The following HMCN1 variants were observed in gnomAD, a reference collection of about 807,000 sequenced individuals.
HMCN1 encodes hemicentin 1.
HMCN1 carries 321 observed loss-of-function variants against 625.9 expected under a neutral mutation model. That is an observed-to-expected ratio of 0.51 (90% CI 0.47 to 0.56). The LOEUF is 0.56. HMCN1 is among the 20% of genes least tolerant of loss of function. The pLI is 0.00. For missense variants in HMCN1, 6,588 were observed against 6,887.3 expected (o/e 0.96, Z 1.54); for synonymous variants, 2,425 against 2,417.6 (o/e 1.00, Z -0.09).
At chr1:185,879,541 T>G (rs927480177) in intron 4 of HMCN1, among the ~76,000 whole-genome samples, 4 of 152,218 alleles carry the variant, frequency 2.6e-5, no homozygotes, top group African/African-American at 4.8e-5. Flanking sequence ...AGTCACTCAT[T>G]CACTCATTTA....
At chr1:185,757,713 T>G (rs1410236174) in intron 1 of HMCN1, among the ~76,000 whole-genome samples, 1 of 152,216 alleles carries the variant, frequency 6.6e-6, no homozygotes, top group East Asian at 1.9e-4. Context: ...GATATATTTC[T>G]AACTCTTTAA....
chr1:186,136,750 A>G lies in HMCN1; in HGVS notation c.13395A>G (p.Gly4465=). The change falls in exon 87 of 107, where the codon GGA becomes GGG. Residue 4465 remains glycine (G), a synonymous_variant. Transcript: ENST00000271588. Reference sequence around the variant, plus strand: ...TCATATTGAATTGTCAGGCAACTGGAGAGCCTCAACCAACCATTACATGGT... The same window carrying G: ...TCATATTGAATTGTCAGGCAACTGGGGAGCCTCAACCAACCATTACATGGT... ...GKIILNCQAT[G]EPQPTITWSR... 6.2e-7 allele frequency: 1 copy of G among 1,614,046 alleles called. No individual in the cohort carries two copies. The highest frequency in any genetic ancestry group is 8.5e-7 in the Non-Finnish European group (1 of 1,179,942).
At chr1:186,087,814 G>A in intron 60 of HMCN1, 118 bp from the exon 61 acceptor site, 1 of 1,144,010 alleles carries the variant, frequency 8.7e-7, no homozygotes, top group Non-Finnish European at 1.3e-6. Context: ...ATTGCAGAAG[G>A]CAATTAGAAC....
chr1:186,078,254 T>C (rs375273955), intron 55 of HMCN1, 34 bp downstream of exon 55: 1 of 1,454,424 alleles, frequency 6.9e-7, no homozygotes, highest in Non-Finnish European at 9.6e-7. Context: ...TTCATTCTTT[T>C]ACTGAAAAGT....
At chr1:185,856,143 A>G (rs1049411352) in intron 2 of HMCN1, among the ~76,000 whole-genome samples, 2 of 152,302 alleles carry the variant, frequency 1.3e-5, no homozygotes, top group African/African-American at 4.8e-5. Flanking sequence ...TTTCTTGGTA[A>G]AAGAATTGCA....
intron 1 of HMCN1, among the ~76,000 whole-genome samples, chr1:185,745,917 A>G (rs1191818880): frequency 6.6e-6 from 1 of 152,224 alleles, no homozygotes; most frequent in African/African-American, 2.4e-5. Context: ...CTTAGAGAAC[A>G]CAGTCATTTA....
In HMCN1 at chr1:185,970,316, C is replaced by T. The variant is rs760811951; in HGVS notation, c.2213-19C>T. 1 of 1,606,724 alleles carries T rather than the reference C, an allele frequency of 6.2e-7. No homozygotes were observed. The highest frequency in any genetic ancestry group is 8.5e-7 in the Non-Finnish European group (1 of 1,173,322). ...TTAATACTTTAGTGTTTAATGTTCT[C>T]CCCTTTGTTTTGACTTAGGAGATCT... On this transcript the variant is annotated intron_variant, in intron 14 of 106. Transcript: ENST00000271588.
rs1180253686 is a variant in HMCN1 at position 186,144,360 on chromosome 1, G to C, written c.14095+17G>C. ...ATTGTCCAAGTAAGAGAAATACACTGTTTATACCTTAATAAATTAACATCT... is the reference window on the plus strand; with the variant it reads ...ATTGTCCAAGTAAGAGAAATACACTCTTTATACCTTAATAAATTAACATCT... On this transcript the variant is annotated intron_variant, in intron 90 of 106. Coordinates refer to ENST00000271588, the MANE Select transcript of HMCN1 (RefSeq NM_031935.3). 2 of 1,611,622 alleles carry C rather than the reference G, an allele frequency of 1.2e-6. No individual in the cohort carries two copies. Among genetic ancestry groups the C allele is most frequent in the Non-Finnish European group, 1.7e-6 (2 of 1,178,994 alleles).
At chr1:185,981,626 C>A (rs1421464324) in intron 17 of HMCN1, among the ~76,000 whole-genome samples, 1 of 152,050 alleles carries the variant, frequency 6.6e-6, no homozygotes, top group Non-Finnish European at 1.5e-5. Flanking sequence ...ATTTTTATAT[C>A]TGTCAGTACA....
chr1:186,165,072 C>T (rs1484803088), intron 97 of HMCN1, 39 bp from the exon 98 acceptor site: 2 of 1,581,106 alleles, frequency 1.3e-6, no homozygotes, highest in Admixed American at 3.3e-5. Context: ...GGCAACTATT[C>T]CAATAAGCCA....
chr1:185,864,177 G>T (rs1291177261), intron 2 of HMCN1, among the ~76,000 whole-genome samples: 1 of 152,196 alleles, frequency 6.6e-6, no homozygotes, highest in Non-Finnish European at 1.5e-5. Flanking sequence ...AGAAGAGGGG[G>T]TGTATGAGAT....
chr1:185,931,301 A>G (rs1667536020), intron 10 of HMCN1, among the ~76,000 whole-genome samples: 1 of 152,108 alleles, frequency 6.6e-6, no homozygotes, highest in Admixed American at 6.6e-5. Context: ...TCACTCAGGA[A>G]TGGCTGCTCT....
intron 11 of HMCN1, among the ~76,000 whole-genome samples, chr1:185,942,679 T>C (rs1037125236): frequency 3.3e-5 from 5 of 152,146 alleles, no homozygotes; most frequent in Admixed American, 6.5e-5. Flanking sequence ...TCCAACTCTC[T>C]AGGCCCCAAC....
At chr1:186,013,217 A>G (rs1466031099) in intron 30 of HMCN1, among the ~76,000 whole-genome samples, 1 of 152,166 alleles carries the variant, frequency 6.6e-6, no homozygotes, top group Non-Finnish European at 1.5e-5. Flanking sequence ...CTGTATCCCA[A>G]CAAAACTCTA....
chr1:185,985,269 A>G (rs956728001), intron 19 of HMCN1, among the ~76,000 whole-genome samples: 4 of 152,242 alleles, frequency 2.6e-5, no homozygotes, highest in Admixed American at 2.0e-4. Context: ...TAAATTAGTT[A>G]TAACCTAGAG....
rs139625650 is a variant in HMCN1, at chr1:186,123,109, T to C, written c.12388T>C (p.Ser4130Pro). 2.3e-5 allele frequency: 37 copies of C among 1,613,998 alleles called. No individual in the cohort carries two copies. The highest frequency in any genetic ancestry group is 3.1e-5 in the Non-Finnish European group (36 of 1,179,996). ...VESIRQRVLSSGSLQIAFVQP... is the reference protein window; with the variant it reads ...VESIRQRVLSPGSLQIAFVQP... ...ATCTATCCGCCAGCGCGTCCTCAGC[T>C]CTGGCTCTCTGCAAATAGCATTTGT... is the stretch of plus-strand genomic sequence containing the variant. Residue 4130 changes from serine to proline, a missense_variant, in exon 81 of 107, where the codon TCT (serine) becomes CCT (proline). Physicochemically the swap from Ser to Pro is moderately conservative, Grantham distance 74. Coordinates refer to ENST00000271588, the MANE Select transcript of HMCN1 (RefSeq NM_031935.3).
At chr1:186,156,180 G>A (rs1219200260) in intron 97 of HMCN1, among the ~76,000 whole-genome samples, 1 of 151,882 alleles carries the variant, frequency 6.6e-6, no homozygotes, top group East Asian at 1.9e-4. Flanking sequence ...CAGAAATTAT[G>A]CAGGAATATA....
chr1:186,010,391 G>T (rs1653923176), intron 30 of HMCN1, among the ~76,000 whole-genome samples: 2 of 152,166 alleles, frequency 1.3e-5, no homozygotes, highest in Non-Finnish European at 2.9e-5. Context: ...TCAAATTTAA[G>T]CAGTGGATGC....
chr1:186,155,324 G>C (rs11808677), intron 97 of HMCN1, among the ~76,000 whole-genome samples: 13,159 of 151,920 alleles, frequency 0.087, 1,556 homozygotes, highest in African/African-American at 0.27. Flanking sequence ...TCTCCTCCAC[G>C]CACACCATTG....
Sources: allele counts gnomAD v4.1 joint callset (sites outside exome capture counted in the v4.1 genomes callset), GRCh38; gene constraint gnomAD v4.1.1; transcripts MANE v1.5; gene names NCBI Gene and HGNC (gene_info 2026-07-23, HGNC 2026-07-21).